Variants in GSE1 observed in about 807,000 individuals in gnomAD.
GSE1 encodes Gse1 coiled-coil protein.
GSE1 carries 32 observed loss-of-function variants against 112.6 expected under a neutral mutation model. The observed-to-expected ratio is 0.28, with a 90% confidence interval of 0.21 to 0.38. The LOEUF (loss-of-function observed/expected upper bound fraction) is 0.38, where lower values mean the gene tolerates loss of function less well. GSE1 is among the 10% of genes least tolerant of loss of function. The pLI, the probability that GSE1 is intolerant of heterozygous loss-of-function variation, is 1.00. For synonymous variants in GSE1, 1,115 were observed against 735.6 expected (o/e 1.52, Z -8.35); for missense variants, 2,348 against 1,699.2 (o/e 1.38, Z -6.71).
chr16:85,277,320 G>A lies in GSE1; in HGVS notation c.2284-80143G>A, dbSNP rs192874622. On this transcript the variant is annotated intron_variant, in intron 1 of 2. Transcript: ENST00000637419. ...ATTTTTTTTGCATGTGAGAGTTGGG[G>A]TGCCTTGGAGCCCTCCACAGGAGCC... is the stretch of plus-strand genomic sequence containing the variant. Among the ~76,000 whole-genome samples, 620 of 152,224 alleles carry A rather than the reference G, an allele frequency of 4.1e-3. 3 individuals are homozygous for A. Among genetic ancestry groups the A allele is most frequent in the South Asian group, 5.0e-3 (24 of 4,826 alleles).
chr16:85,566,221 T>A (rs1428461970), intron 1 of GSE1, among the ~76,000 whole-genome samples: 2 of 152,142 alleles, frequency 1.3e-5, no homozygotes, highest in Non-Finnish European at 2.9e-5. Flanking sequence ...GAGAATGACC[T>A]GGAAGAGGGG....
chr16:85,571,193 C>G (rs572125680), intron 1 of GSE1, among the ~76,000 whole-genome samples: 1 of 152,202 alleles, frequency 6.6e-6, no homozygotes, highest in Non-Finnish European at 1.5e-5. Flanking sequence ...CCTTGAGCCC[C>G]GGAGTCACGT....
intron 1 of GSE1, among the ~76,000 whole-genome samples, chr16:85,563,979 G>T (rs1393824165): frequency 6.6e-6 from 1 of 152,226 alleles, no homozygotes; most frequent in East Asian, 1.9e-4. Context: ...CCCTTCCCAA[G>T]CACCTCCCGT....
intron 1 of GSE1, among the ~76,000 whole-genome samples, chr16:85,321,469 C>T (rs938287677): frequency 6.6e-6 from 1 of 152,152 alleles, no homozygotes; most frequent in South Asian, 2.1e-4. Context: ...CCTGTTTGTA[C>T]TAAAAATTAA....
intron 2 of GSE1, among the ~76,000 whole-genome samples, chr16:85,456,156 C>T (rs531420230): frequency 2.6e-5 from 4 of 152,254 alleles, no homozygotes; most frequent in South Asian, 2.1e-4. Flanking sequence ...GGAGGGTCAC[C>T]GAGGGGTAGG....
At chr16:85,640,809 G>A (rs566078068) in intron 2 of GSE1, among the ~76,000 whole-genome samples, 8 of 152,356 alleles carry the variant, frequency 5.3e-5, no homozygotes, top group Middle Eastern at 3.4e-3. Context: ...CTGCGGCGGC[G>A]GCGGCTCTGC....
intron 2 of GSE1, among the ~76,000 whole-genome samples, chr16:85,538,081 C>T (rs547916126): frequency 5.1e-4 from 78 of 152,344 alleles, no homozygotes; most frequent in African/African-American, 1.8e-3. Context: ...TTGCTGGCCT[C>T]TCATCTCCCA....
intron 2 of GSE1, among the ~76,000 whole-genome samples, chr16:85,503,297 G>A (rs1025328742): frequency 2.0e-5 from 3 of 152,234 alleles, no homozygotes; most frequent in Non-Finnish European, 4.4e-5. Context: ...AAATGACCTG[G>A]TGGAGAGGCA....
chr16:85,610,780 A>G (rs939903648), upstream of GSE1, among the ~76,000 whole-genome samples: 2 of 152,198 alleles, frequency 1.3e-5, no homozygotes, highest in African/African-American at 4.8e-5. Context: ...TTTGGGGCGC[A>G]GCTTGCATGT....
intron 2 of GSE1, among the ~76,000 whole-genome samples, chr16:85,491,798 G>A (rs1291868370): frequency 6.6e-6 from 1 of 152,202 alleles, no homozygotes. Flanking sequence ...GTGACACTGG[G>A]CCTGGCTGGA....
At chr16:85,184,651 A>C (rs2074663396) in intron 1 of GSE1, among the ~76,000 whole-genome samples, 1 of 152,128 alleles carries the variant, frequency 6.6e-6, no homozygotes, top group Non-Finnish European at 1.5e-5. Flanking sequence ...GTGATAAGTC[A>C]TTTCTCATTC....
Position 85,331,553 on chromosome 16 carries a change from A to G in GSE1, c.2284-25910A>G, listed in dbSNP as rs182882393. Reference sequence around the variant, plus strand: ...TGTATATGTGTATATGTGTGTATATATGTGTATATGTGTATATATGTGTAC... The same window carrying G: ...TGTATATGTGTATATGTGTGTATATGTGTGTATATGTGTATATATGTGTAC... On this transcript the variant is annotated intron_variant, in intron 1 of 2. Coordinates refer to the GSE1 transcript ENST00000637419. Among the ~76,000 whole-genome samples, 712 of 86,334 alleles carry G rather than the reference A, an allele frequency of 8.2e-3. 5 individuals carry two copies. The highest frequency in any genetic ancestry group is 0.016 in the South Asian group (41 of 2,488). The allele number at this position is 86,334 out of a possible 152,430, so 56.6% of individuals were successfully genotyped here. A position where few individuals can be genotyped will look rare whatever the true frequency, so the allele number is the denominator to read the frequency against.
chr16:85,273,266 C>G (rs1332046324), intron 1 of GSE1, among the ~76,000 whole-genome samples: 1 of 152,018 alleles, frequency 6.6e-6, no homozygotes, highest in Non-Finnish European at 1.5e-5. Flanking sequence ...GTCAGCGCAA[C>G]ATCCACTTAG....
intron 2 of GSE1, among the ~76,000 whole-genome samples, chr16:85,402,133 C>T (rs928059830): frequency 2.6e-5 from 4 of 152,176 alleles, no homozygotes; most frequent in Admixed American, 1.3e-4. Flanking sequence ...CCGTTTGTCC[C>T]GGAACGCAGC....
chr16:85,511,441 T>G (rs1243020611), intron 2 of GSE1, among the ~76,000 whole-genome samples: 1 of 151,056 alleles, frequency 6.6e-6, no homozygotes, highest in African/African-American at 2.4e-5. Flanking sequence ...GGCAGGAGAA[T>G]CGCTTGAACC....
At chr16:85,381,068 A>G (rs778876275) in intron 2 of GSE1, among the ~76,000 whole-genome samples, 2 of 152,190 alleles carry the variant, frequency 1.3e-5, no homozygotes, top group Non-Finnish European at 2.9e-5. Flanking sequence ...CGTCACCCCA[A>G]AAGGAAATCC....
At chr16:85,561,302 T>C (rs1369299396) in intron 1 of GSE1, among the ~76,000 whole-genome samples, 1 of 152,130 alleles carries the variant, frequency 6.6e-6, no homozygotes, top group East Asian at 1.9e-4. Context: ...ACATGTGCGC[T>C]AAATGGTGGA....
At chr16:85,339,523 G>T (rs571719455) in intron 1 of GSE1, among the ~76,000 whole-genome samples, 9 of 151,796 alleles carry the variant, frequency 5.9e-5, no homozygotes, top group Non-Finnish European at 1.3e-4. Context: ...ATTCCCTTCA[G>T]ATCTTTTCAG....
At chr16:85,378,397 G>T (rs762349234) in intron 2 of GSE1, among the ~76,000 whole-genome samples, 1 of 152,112 alleles carries the variant, frequency 6.6e-6, no homozygotes, top group Non-Finnish European at 1.5e-5. Context: ...CCCAGCCTGC[G>T]CCTGGCAGTG....
Sources: gnomAD v4.1 joint callset for allele counts (sites outside exome capture counted in the v4.1 genomes callset) on GRCh38, gnomAD v4.1.1 for gene constraint, MANE v1.5 for transcripts, NCBI Gene and HGNC (gene_info 2026-07-23, HGNC 2026-07-21) for gene names.